The following ATP13A4 variants were observed in gnomAD, a reference collection of about 807,000 sequenced individuals.
ATP13A4 encodes ATPase 13A4.
In ATP13A4, 114 loss-of-function variants were observed where a neutral mutation model predicts 142.5. That is an observed-to-expected ratio of 0.80 (90% confidence interval 0.69 to 0.93). The LOEUF (loss-of-function observed/expected upper bound fraction) is 0.93. Among genes scored for constraint, ATP13A4 ranks in the 40% least tolerant of loss-of-function variants. The pLI is 0.00. For synonymous variants in ATP13A4, 488 were observed against 514.8 expected (o/e 0.95, Z 0.70); for missense variants, 1,392 against 1,454.0 (o/e 0.96, Z 0.69).
intron 25 of ATP13A4, among the ~76,000 whole-genome samples, chr3:193,417,928 C>T (rs1223405806): frequency 1.4e-5 from 2 of 146,658 alleles, no homozygotes; most frequent in East Asian, 2.2e-4. Flanking sequence ...CGAGACCATC[C>T]CGGCTAAAAC....
At chr3:193,518,626 C>A (rs184577745) in intron 1 of ATP13A4, among the ~76,000 whole-genome samples, 25 of 152,112 alleles carry the variant, frequency 1.6e-4, no homozygotes, top group Admixed American at 1.6e-3. Flanking sequence ...AAGTAGCTAA[C>A]CAAATTAATG....
intron 26 of ATP13A4, among the ~76,000 whole-genome samples, chr3:193,413,326 C>T (rs1465158791): frequency 6.6e-6 from 1 of 152,164 alleles, no homozygotes; most frequent in Non-Finnish European, 1.5e-5. Context: ...TACGTCACCT[C>T]AGGACCACTA....
intron 3 of ATP13A4, among the ~76,000 whole-genome samples, chr3:193,501,900 G>A (rs1720564818): frequency 6.6e-6 from 1 of 152,126 alleles, no homozygotes; most frequent in South Asian, 2.1e-4. Context: ...ATATTCCTGG[G>A]TGATTACTTT....
intron 8 of ATP13A4, among the ~76,000 whole-genome samples, chr3:193,475,071 T>C (rs541476806): frequency 6.6e-6 from 1 of 152,214 alleles, no homozygotes; most frequent in South Asian, 2.1e-4. Flanking sequence ...ACAATCTTTA[T>C]GGAGAGAAAT....
chr3:193,514,165 A>T (rs140906623), intron 2 of ATP13A4, among the ~76,000 whole-genome samples: 1 of 152,136 alleles, frequency 6.6e-6, no homozygotes, highest in Admixed American at 6.5e-5. Context: ...GGTTTGTTGT[A>T]TAGATTATTT....
At chr3:193,418,044 C>T (rs113788393) in intron 25 of ATP13A4, among the ~76,000 whole-genome samples, 11,321 of 128,624 alleles carry the variant, frequency 0.088, 1,065 homozygotes, top group East Asian at 0.43. Context: ...ATGGCGTGAA[C>T]CCGGGAGGCA....
chr3:193,510,355 C>T (rs551548113), intron 2 of ATP13A4, among the ~76,000 whole-genome samples: 2 of 152,200 alleles, frequency 1.3e-5, no homozygotes, highest in African/African-American at 2.4e-5. Context: ...TGAGTCAGGC[C>T]GCATTGCTAA....
At chr3:193,582,618 A>G (rs1184621627) in intron 1 of ATP13A4, among the ~76,000 whole-genome samples, 4 of 96,596 alleles carry the variant, frequency 4.1e-5, no homozygotes, top group Non-Finnish European at 5.7e-5. Flanking sequence ...TGTATATTAT[A>G]TATGTATATT....
intron 8 of ATP13A4, among the ~76,000 whole-genome samples, chr3:193,474,544 A>G (rs1718826547): frequency 6.7e-6 from 1 of 149,122 alleles, no homozygotes; most frequent in Admixed American, 6.7e-5. Flanking sequence ...AGACAGAGAG[A>G]GAGAGAGAAG....
chr3:193,586,088 C>T (rs1036222793), intron 1 of ATP13A4, among the ~76,000 whole-genome samples: 5 of 22,600 alleles, frequency 2.2e-4, no homozygotes, highest in African/African-American at 1.3e-3. Flanking sequence ...TGTATACACA[C>T]ATACACACAC....
chr3:193,476,445 T>C (rs1398671545), intron 8 of ATP13A4, among the ~76,000 whole-genome samples: 2 of 152,116 alleles, frequency 1.3e-5, no homozygotes, highest in African/African-American at 2.4e-5. Context: ...TGAGCTTCTA[T>C]TCAGACCACT....
intron 1 of ATP13A4, among the ~76,000 whole-genome samples, chr3:193,532,952 AT>A (rs1722409027): frequency 6.6e-6 from 1 of 152,168 alleles, no homozygotes; most frequent in Non-Finnish European, 1.5e-5. Context: ...GAGTCCAATA[AT>A]GTAGAAAAAA....
intron 1 of ATP13A4, among the ~76,000 whole-genome samples, chr3:193,531,336 A>AAGGG (rs1722323257): frequency 2.9e-5 from 2 of 69,562 alleles, no homozygotes; most frequent in Non-Finnish European, 6.0e-5. Flanking sequence ...GGAAGGAAGG[A>AAGGG]AGGGAGGAAG....
chr3:193,549,703 G>T (rs1183452673), intron 1 of ATP13A4, among the ~76,000 whole-genome samples: 2 of 152,034 alleles, frequency 1.3e-5, no homozygotes, highest in African/African-American at 4.8e-5. Context: ...ATGGTGGCAT[G>T]CGCCCGTGGT....
At chr3:193,442,236 G>A (rs776449557) in intron 19 of ATP13A4, among the ~76,000 whole-genome samples, 157 bp downstream of exon 19, 3 of 152,180 alleles carry the variant, frequency 2.0e-5, no homozygotes, top group Non-Finnish European at 4.4e-5. Flanking sequence ...TTCAATCTCT[G>A]TATGAAAAGT....
At chr3:193,488,194 G>A (rs1262770481) in intron 7 of ATP13A4, among the ~76,000 whole-genome samples, 1 of 152,170 alleles carries the variant, frequency 6.6e-6, no homozygotes, top group South Asian at 2.1e-4. Flanking sequence ...AACCTAGGAG[G>A]CAGAGGTTGC....
intron 1 of ATP13A4, among the ~76,000 whole-genome samples, chr3:193,531,375 A>G (rs1455095150): frequency 1.9e-5 from 2 of 107,808 alleles, no homozygotes; most frequent in South Asian, 3.3e-4. Flanking sequence ...GGGAGGGAGG[A>G]GCGAAGGAGG....
chr3:193,414,652 G>A lies in ATP13A4; in HGVS notation c.2941C>T (p.Leu981Phe). Residue 981 changes from leucine to phenylalanine, a missense_variant, in exon 26 of 30, where the codon CTC (leucine) becomes TTC (phenylalanine). Physicochemically the swap from Leu to Phe is conservative, Grantham distance 22 (BLOSUM62 0). Coordinates refer to ENST00000342695, the MANE Select transcript of ATP13A4 (RefSeq NM_032279.4). ...LLLSVIFNIL[L>F]SLAMHIAGFI... Reference sequence around the variant, plus strand: ...CCTGCAATATGCATGGCCAGGCTGAGAAGAATGTTGAAAATCACAGAGAGT... The same window carrying A: ...CCTGCAATATGCATGGCCAGGCTGAAAAGAATGTTGAAAATCACAGAGAGT... The A allele has an allele frequency of 6.2e-7, 1 of 1,614,152 alleles. No homozygotes were observed. Among genetic ancestry groups the A allele is most frequent in the Non-Finnish European group, 8.5e-7 (1 of 1,180,020 alleles).
At chr3:193,586,094 CACACACACACACACACACACACATAT>C (rs2108749109) in intron 1 of ATP13A4, among the ~76,000 whole-genome samples, 1 of 15,280 alleles carries the variant, frequency 6.5e-5, no homozygotes, top group South Asian at 2.2e-3. Flanking sequence ...CACACATACA[CACACACACACACACACACACACATAT>C]ACACACACAC....
Sources: gnomAD v4.1 joint callset for allele counts (sites outside exome capture counted in the v4.1 genomes callset) on GRCh38, gnomAD v4.1.1 for gene constraint, MANE v1.5 for transcripts, NCBI Gene and HGNC (gene_info 2026-07-23, HGNC 2026-07-21) for gene names.